HHAT: variants seen among roughly 807,000 people sequenced by gnomAD.
HHAT encodes hedgehog acyltransferase.
HHAT carries 47 observed loss-of-function variants against 70.8 expected under a neutral mutation model. That is an observed-to-expected ratio of 0.66 (90% CI 0.53 to 0.85). HHAT has a LOEUF of 0.85. Ranked by LOEUF, HHAT falls within the 40% of genes least tolerant of loss-of-function variation. The pLI is 0.00. For missense variants in HHAT, 609 were observed against 604.8 expected, an observed-to-expected ratio of 1.01 and a Z score of -0.07; for synonymous variants, 228 against 247.6, an observed-to-expected ratio of 0.92 and a Z score of 0.74.
intron 3 of HHAT, among the ~76,000 whole-genome samples, chr1:210,383,965 T>C (rs2884218): frequency 0.26 from 38,961 of 152,000 alleles, 5,221 homozygotes; most frequent in East Asian, 0.3. Context: ...TGTGTCTTCA[T>C]TGTGGGGTGT....
In HHAT at chr1:210,453,741, TCTTTA is replaced by T. The variant is rs1168715436; in HGVS notation, c.857-10759_857-10755del. 3.3e-5 allele frequency among the ~76,000 whole-genome samples: 5 copies of T among 152,358 alleles called. No individual in the cohort carries two copies. The East Asian group carries it at 5.8e-4, about 18-fold the overall frequency. On this transcript the variant is annotated intron_variant, in intron 7 of 11. Transcript: ENST00000261458. ...GTAATTATTTGCTTTCTAAAGGGATTCTTTACTTTTTTGAAGGATTTGCAATAGAA... is the reference window on the plus strand; with the variant it reads ...GTAATTATTTGCTTTCTAAAGGGATTCTTTTTTGAAGGATTTGCAATAGAA...
At chr1:210,358,146 G>A (rs540449964) in intron 2 of HHAT, among the ~76,000 whole-genome samples, 88 of 152,300 alleles carry the variant, frequency 5.8e-4, no homozygotes, top group South Asian at 4.8e-3. Flanking sequence ...CATTCCTTCT[G>A]TTTCTCAGCT....
At chr1:210,485,009 G>A (rs1025450992) in intron 8 of HHAT, among the ~76,000 whole-genome samples, 1 of 152,108 alleles carries the variant, frequency 6.6e-6, no homozygotes, top group Admixed American at 6.5e-5. Flanking sequence ...AGTAAGATGA[G>A]GTATGGGCTA....
intron 9 of HHAT, among the ~76,000 whole-genome samples, chr1:210,560,462 C>T (rs185323036): frequency 6.6e-6 from 1 of 152,148 alleles, no homozygotes; most frequent in African/African-American, 2.4e-5. Flanking sequence ...CTACCCAGGG[C>T]ACTTACCTGT....
At chr1:210,332,061 G>C (rs1246494623) in intron 1 of HHAT, among the ~76,000 whole-genome samples, 1 of 152,202 alleles carries the variant, frequency 6.6e-6, no homozygotes, top group Non-Finnish European at 1.5e-5. Context: ...TAATGTGGTT[G>C]ATAATTTTAA....
chr1:210,606,031 T>A (rs1169362409), intron 10 of HHAT, among the ~76,000 whole-genome samples: 1 of 152,072 alleles, frequency 6.6e-6, no homozygotes, highest in East Asian at 1.9e-4. Context: ...AATTTTTTTT[T>A]ATTTTTAGTA....
Position 210,550,694 on chromosome 1 carries a change from G to C in HHAT, c.1044-37204G>C, listed in dbSNP as rs959716516. On this transcript the variant is annotated intron_variant, in intron 9 of 11. Coordinates refer to ENST00000261458, the MANE Select transcript of HHAT (RefSeq NM_018194.6). ...TGATGCCTTTTTTGTTTTTGAGACAGAGTCTCACTCTGTTGCCCAGGCTGG... is the reference window on the plus strand; with the variant it reads ...TGATGCCTTTTTTGTTTTTGAGACACAGTCTCACTCTGTTGCCCAGGCTGG... Among the ~76,000 whole-genome samples, 7 of 148,844 alleles carry C rather than the reference G, an allele frequency of 4.7e-5. 1 individual carries two copies. The Admixed American group carries it at 4.8e-4, about 10-fold the overall frequency.
chr1:210,584,797 T>A (rs1573516995), intron 9 of HHAT, among the ~76,000 whole-genome samples: 2 of 152,230 alleles, frequency 1.3e-5, no homozygotes, highest in African/African-American at 4.8e-5. Context: ...CCATGTCACA[T>A]AGCTTAATGA....
chr1:210,581,606 C>G (rs542112249), intron 9 of HHAT, among the ~76,000 whole-genome samples: 8 of 152,186 alleles, frequency 5.3e-5, no homozygotes, highest in African/African-American at 1.9e-4. Flanking sequence ...TGGTAAATCT[C>G]TTAGGGTTGG....
At chr1:210,603,400 G>C (rs191394104) in intron 10 of HHAT, among the ~76,000 whole-genome samples, 1 of 152,096 alleles carries the variant, frequency 6.6e-6, no homozygotes, top group African/African-American at 2.4e-5. Context: ...TCTCAGTCTA[G>C]TGCCTAGCAG....
intron 7 of HHAT, among the ~76,000 whole-genome samples, chr1:210,450,227 G>C (rs968501185): frequency 6.7e-6 from 1 of 149,978 alleles, no homozygotes; most frequent in Non-Finnish European, 1.5e-5. Flanking sequence ...GGAGGCAGAG[G>C]TTGCAGTGAG....
At chr1:210,495,740 G>A (rs576216845) in intron 8 of HHAT, among the ~76,000 whole-genome samples, 150 of 152,258 alleles carry the variant, frequency 9.9e-4, no homozygotes, top group Non-Finnish European at 1.6e-3. Flanking sequence ...AAACGTGGTG[G>A]CTCACGCCTG....
chr1:210,606,087 A>T (rs1259111456), intron 10 of HHAT, among the ~76,000 whole-genome samples: 1 of 151,918 alleles, frequency 6.6e-6, no homozygotes, highest in Non-Finnish European at 1.5e-5. Context: ...CGAACTCCTG[A>T]CCTCAGGTCA....
chr1:210,580,874 G>C (rs554504703), intron 9 of HHAT, among the ~76,000 whole-genome samples: 2 of 152,186 alleles, frequency 1.3e-5, no homozygotes, highest in South Asian at 4.2e-4. Context: ...TGGTATTTCT[G>C]GTTCTAGATC....
At chr1:210,614,417 A>T (rs1667241663) in intron 10 of HHAT, among the ~76,000 whole-genome samples, 1 of 152,038 alleles carries the variant, frequency 6.6e-6, no homozygotes, top group African/African-American at 2.4e-5. Flanking sequence ...TTTTTTAAAT[A>T]TATATTTATT....
At chr1:210,330,936 A>G (rs1409475671) in intron 1 of HHAT, among the ~76,000 whole-genome samples, 1 of 152,160 alleles carries the variant, frequency 6.6e-6, no homozygotes, top group East Asian at 1.9e-4. Context: ...CTCGTGCCTC[A>G]GCCTCCGGAG....
intron 11 of HHAT, among the ~76,000 whole-genome samples, chr1:210,624,872 G>A (rs77342870): frequency 0.1 from 15,636 of 152,242 alleles, 853 homozygotes; most frequent in South Asian, 0.17. Context: ...TTGTGCTTTT[G>A]CTTTGGGAAG....
At position 210,329,021 on chromosome 1, in the gene HHAT, G is replaced by C. The variant is rs1379309000; in HGVS notation, c.-127G>C. 12 of 1,410,164 alleles carry C rather than the reference G, an allele frequency of 8.5e-6. No homozygotes were observed. Among genetic ancestry groups the C allele is most frequent in the Non-Finnish European group, 1.0e-5 (11 of 1,082,318 alleles). 87.4% of individuals were successfully genotyped at this position (1,410,164 alleles called of 1,614,324 possible). On this transcript the variant is annotated 5_prime_UTR_variant, in exon 1 of 12. Transcript: ENST00000261458. ...CCGCAGCCGCCGCCGATGTCGCTGG[G>C]ACTCGGAAGTGCCGAAAGAGGGGTG...
At chr1:210,377,898 G>T (rs923191842) in intron 3 of HHAT, among the ~76,000 whole-genome samples, 11 of 152,142 alleles carry the variant, frequency 7.2e-5, no homozygotes, top group African/African-American at 2.2e-4. Context: ...TATGCAGGAG[G>T]GTGAAGATGT....
Sources: gnomAD v4.1 joint callset for allele counts (sites outside exome capture counted in the v4.1 genomes callset) on GRCh38, gnomAD v4.1.1 for gene constraint, MANE v1.5 for transcripts, NCBI Gene and HGNC (gene_info 2026-07-23, HGNC 2026-07-21) for gene names.